FLT4: variants seen among roughly 807,000 people sequenced by gnomAD.
FLT4 encodes the protein fms related receptor tyrosine kinase 4, also known as vascular endothelial growth factor receptor 3.
FLT4 carries 30 observed loss-of-function variants against 163.2 expected under a neutral mutation model. The observed-to-expected ratio is 0.18, with a 90% CI of 0.14 to 0.25. The LOEUF (loss-of-function observed/expected upper bound fraction) is 0.25. FLT4 is among the 10% of genes least tolerant of loss of function. The probability of loss-of-function intolerance (pLI) is 1.00; values close to 1 mark genes in which losing one functional copy is unlikely to be tolerated. For missense variants in FLT4, 1,510 were observed against 1,863.8 expected, an observed-to-expected ratio of 0.81 and a Z score of 3.50; for synonymous variants, 884 against 789.5, an observed-to-expected ratio of 1.12 and a Z score of -2.01.
chr5:180,608,920 G>T, intron 29 of FLT4, 48 bp downstream of exon 29: 1 of 1,492,552 alleles, frequency 6.7e-7, no homozygotes, highest in Non-Finnish European at 9.4e-7. Flanking sequence ...TCCTCCAGGG[G>T]AGGGCAACAT....
At chr5:180,650,167 G>A, upstream of FLT4, among the ~76,000 whole-genome samples, 1 of 67,572 alleles carries the variant, frequency 1.5e-5, no homozygotes, top group Non-Finnish European at 2.8e-5. Context: ...CAGTCTGGGA[G>A]CCAAAAAAAA....
intron 29 of FLT4, among the ~76,000 whole-genome samples, chr5:180,604,220 TC>T (rs1245752876): frequency 1.3e-5 from 2 of 152,068 alleles, no homozygotes; most frequent in East Asian, 3.9e-4. Context: ...TCCAACTTCA[TC>T]CCCCAACCCA....
In FLT4 at chr5:180,629,437, C is replaced by T. The variant is rs1247965894; in HGVS notation, c.817-10G>A. 5 of 1,610,058 alleles carry T rather than the reference C, an allele frequency of 3.1e-6. No individual in the cohort carries two copies. In the African/African-American group the frequency reaches 4.0e-5, roughly 13 times the overall value. On this transcript the variant is annotated splice_polypyrimidine_tract_variant and intron_variant, in intron 6 of 29. Coordinates refer to ENST00000261937, the MANE Select transcript of FLT4 (RefSeq NM_182925.5). ...ACTTACCCCGCTCTGCCTGCCCGCA[C>T]CCAGGGAAGCCCCGCGTCAGCAGGC...
chr5:180,646,744 G>C (rs567357303), intron 1 of FLT4, among the ~76,000 whole-genome samples: 1 of 152,244 alleles, frequency 6.6e-6, no homozygotes, highest in African/African-American at 2.4e-5. Context: ...CACTATGCTG[G>C]GGTCTTGCAT....
chr5:180,636,581 A>G lies in FLT4; in HGVS notation c.59-4803T>C, dbSNP rs1238478890. 1.9e-5 allele frequency among the ~76,000 whole-genome samples: 2 copies of G among 104,778 alleles called. No homozygotes were observed. Among genetic ancestry groups the G allele is most frequent in the Non-Finnish European group, 3.7e-5 (2 of 53,914 alleles). The allele number at this position is 104,778 out of a possible 152,430, so 68.7% of individuals were successfully genotyped here. A position where few individuals can be genotyped will look rare whatever the true frequency, so the allele number is the denominator to read the frequency against. ...CCCACCCCAGCTCCTGCCCTTCTCC[A>G]TGACTTCACCATCCACAGGGCTGAC... On this transcript the variant is annotated intron_variant, in intron 1 of 29. Transcript: ENST00000261937. The surrounding 1 kb of genome is among the most constrained non-coding windows in gnomAD (Gnocchi z 4.3).
rs1341060995 is a variant in FLT4, at chr5:180,614,071, G to A, written c.3328C>T (p.Leu1110=). Residue 1110 remains leucine, a synonymous_variant, in exon 24 of 30, where the codon CTG becomes TTG. Transcript: ENST00000261937. ...FGVLLWEIFS[L]GASPYPGVQI... ...CGGCACCCCATCCTGCACTCACCCA[G>A]AGAGAAGATCTCCCAGAGAAGCACC... 1.2e-6 allele frequency: 2 copies of A among 1,609,014 alleles called. No homozygotes were observed. The highest frequency in any genetic ancestry group is 1.7e-6 in the Non-Finnish European group (2 of 1,175,340).
chr5:180,647,908 G>C (rs1312352949), intron 1 of FLT4, among the ~76,000 whole-genome samples: 1 of 152,140 alleles, frequency 6.6e-6, no homozygotes, highest in South Asian at 2.1e-4. Flanking sequence ...GGGAGCACCA[G>C]GACACTGGCC....
chr5:180,607,826 G>A (rs567032652), intron 29 of FLT4: 5 of 475,518 alleles, frequency 1.1e-5, no homozygotes, highest in African/African-American at 3.8e-5. Flanking sequence ...TAACTGGTGG[G>A]CACAGGGTCA....
In FLT4 at chr5:180,619,028, G is replaced by A; in HGVS notation, c.2843C>T (p.Pro948Leu). ...CGCAGGCCGCCCGCTCACCGCGCAG[G>A]GGCTGAAGGCGTCCCGCTTGGCGCG... Reference protein sequence around the residue: ...FLRAKRDAFSPCAEKSPEQRG... With the variant: ...FLRAKRDAFSLCAEKSPEQRG... Residue 948 changes from proline (P) to leucine (L), a missense_variant, in exon 20 of 30, where the codon CCC (proline) becomes CTC (leucine). Physicochemically the swap from Pro to Leu is moderately conservative, Grantham distance 98. Coordinates refer to ENST00000261937, the MANE Select transcript of FLT4 (RefSeq NM_182925.5). The A allele has an allele frequency of 5.2e-6, 8 of 1,551,846 alleles. No homozygotes were observed. Among genetic ancestry groups the A allele is most frequent in the South Asian group, 2.4e-5 (2 of 84,338 alleles).
At chr5:180,632,679 T>A (rs538590033) in intron 1 of FLT4, among the ~76,000 whole-genome samples, 8 of 152,048 alleles carry the variant, frequency 5.3e-5, no homozygotes, top group Non-Finnish European at 4.4e-5. Context: ...TAGGCCTGGG[T>A]GTGTGAGTCT....
Position 180,630,788 on chromosome 5 carries a change from G to C in FLT4, c.167C>G (p.Pro56Arg). ...SLSISCRGQH[P>R]LEWAWPGAQE... ...AGCTCCTGGCCAAGCCCACTCGAGG[G>C]GGTGCTGTCCCCTGGCAGAGGACAG... Residue 56 changes from proline to arginine, a missense_variant, in exon 3 of 30, where the codon CCC becomes CGC. Coordinates refer to ENST00000261937, the MANE Select transcript of FLT4 (RefSeq NM_182925.5). The surrounding 1 kb of genome is among the most constrained non-coding windows in gnomAD (Gnocchi z 6.3). 6.2e-7 allele frequency: 1 copy of C among 1,604,052 alleles called. No homozygotes were observed. The highest frequency in any genetic ancestry group is 1.1e-5 in the South Asian group (1 of 90,936).
In FLT4 at chr5:180,636,165, T is replaced by G. The variant is rs947244448; in HGVS notation, c.59-4387A>C. Among the ~76,000 whole-genome samples, 7 of 152,180 alleles carry G rather than the reference T, an allele frequency of 4.6e-5. No homozygotes were observed. Among genetic ancestry groups the G allele is most frequent in the Non-Finnish European group, 1.0e-4 (7 of 67,978 alleles). On this transcript the variant is annotated intron_variant, in intron 1 of 29. Coordinates refer to ENST00000261937, the MANE Select transcript of FLT4 (RefSeq NM_182925.5). This position sits in a 1 kb window ranked among gnomAD's most constrained non-coding sequence, Gnocchi z 4.3. ...CCATCCATCGCGCTTGCCAACCCTTTTGCCCATCCACGCAAGCTTTTTCAT... is the reference window on the plus strand; with the variant it reads ...CCATCCATCGCGCTTGCCAACCCTTGTGCCCATCCACGCAAGCTTTTTCAT...
Position 180,630,495 on chromosome 5 carries a change from G to T in FLT4, c.400+60C>A. 6.2e-7 allele frequency: 1 copy of T among 1,605,538 alleles called. No individual in the cohort carries two copies. The highest frequency in any genetic ancestry group is 8.5e-7 in the Non-Finnish European group (1 of 1,176,454). ...CCAGCCCAGGGTCCACAGGCTGGGG[G>T]CGGTGTGGGCCCCAGCTGCCCGGGA... On this transcript the variant is annotated intron_variant, in intron 3 of 29. Transcript: ENST00000261937. This position sits in a 1 kb window ranked among gnomAD's most constrained non-coding sequence, Gnocchi z 6.3.
chr5:180,622,277 C>A (rs1352683021), intron 12 of FLT4, among the ~76,000 whole-genome samples: 7 of 125,344 alleles, frequency 5.6e-5, no homozygotes, highest in Non-Finnish European at 5.2e-5. Context: ...TCTGCTGGTG[C>A]CCTGATCTAC....
chr5:180,603,472 G>T lies in FLT4; in HGVS notation c.3894-82C>A, dbSNP rs569466743. 11 of 1,329,820 alleles carry T rather than the reference G, an allele frequency of 8.3e-6. No individual in the cohort carries two copies. In the Admixed American group the frequency reaches 2.1e-4, roughly 25 times the overall value. The allele number at this position is 1,329,820 out of a possible 1,614,324, so 82.4% of individuals were successfully genotyped here. A position where few individuals can be genotyped will look rare whatever the true frequency, so the allele number is the denominator to read the frequency against. ...GCATACTGGTAATCCCAGTACTTGG[G>T]AGGCCTAGGCAGGCGGATGGCTTCA... On this transcript the variant is annotated intron_variant, in intron 29 of 29. Coordinates refer to ENST00000261937, the MANE Select transcript of FLT4 (RefSeq NM_182925.5).
At chr5:180,614,031 G>C in intron 24 of FLT4, 37 bp downstream of exon 24, 1 of 1,423,858 alleles carries the variant, frequency 7.0e-7, no homozygotes, top group Non-Finnish European at 9.9e-7. Context: ...CAGTGACCTC[G>C]CCTCCTCTCC....
chr5:180,649,485 C>T lies in FLT4; in HGVS notation c.58+3G>A, dbSNP rs1447314803. 10 of 1,458,964 alleles carry T rather than the reference C, an allele frequency of 6.9e-6. No individual in the cohort carries two copies. In the African/African-American group the frequency reaches 1.2e-4, roughly 17 times the overall value. 90.4% of individuals were successfully genotyped at this position (1,458,964 alleles called of 1,614,324 possible). ...GGGCGGGTGGCCCGTTCGCCGCGCTCACCGTCCAGGAGTCCCAGGCAGAGC... is the reference window on the plus strand; with the variant it reads ...GGGCGGGTGGCCCGTTCGCCGCGCTTACCGTCCAGGAGTCCCAGGCAGAGC... On this transcript the variant is annotated splice_donor_region_variant and intron_variant, in intron 1 of 29. Coordinates refer to ENST00000261937, the MANE Select transcript of FLT4 (RefSeq NM_182925.5).
chr5:180,634,342 C>T (rs1021251735), intron 1 of FLT4, among the ~76,000 whole-genome samples: 1 of 152,174 alleles, frequency 6.6e-6, no homozygotes, highest in Non-Finnish European at 1.5e-5. Flanking sequence ...AACAGAGGCT[C>T]AATTTTATTC....
In FLT4 at chr5:180,626,404, C is replaced by A. The variant is rs1007621926; in HGVS notation, c.1104-139G>T. On this transcript the variant is annotated intron_variant, in intron 8 of 29. Coordinates refer to ENST00000261937, the MANE Select transcript of FLT4 (RefSeq NM_182925.5). The stretch of plus-strand genomic sequence containing the variant: ...GGGTAGGACGGGGAACACTGGTCTG[C>A]GAGGGGATGGTCTAAGTCCCTGGAG... The A allele has an allele frequency of 5.6e-5, 51 of 916,470 alleles. 1 individual carries two copies. The highest frequency in any genetic ancestry group is 8.8e-5 in the Non-Finnish European group (51 of 577,172). 56.8% of individuals were successfully genotyped at this position (916,470 alleles called of 1,614,324 possible). A position where few individuals can be genotyped will look rare whatever the true frequency, so the allele number is the denominator to read the frequency against.
Sources: gnomAD v4.1 joint callset for allele counts (sites outside exome capture counted in the v4.1 genomes callset) on GRCh38, gnomAD v4.1.1 for gene constraint, Gnocchi (gnomAD v3.1) non-coding constraint, MANE v1.5 for transcripts, NCBI Gene and HGNC (gene_info 2026-07-23, HGNC 2026-07-21) for gene names.